The following CAPN6 variants were observed in gnomAD, a reference collection of about 807,000 sequenced individuals.
CAPN6 encodes calpain-6.
In CAPN6, 16 loss-of-function variants were observed where a neutral mutation model predicts 46.0. The observed-to-expected ratio is 0.35, with a 90% CI of 0.24 to 0.53. The LOEUF is 0.53. Ranked by LOEUF, CAPN6 falls within the 20% of genes least tolerant of loss-of-function variation. CAPN6 has a pLI of 0.94. For missense variants in CAPN6, 461 were observed against 498.0 expected, an observed-to-expected ratio of 0.93 and a Z score of 0.71; for synonymous variants, 206 against 172.8, an observed-to-expected ratio of 1.19 and a Z score of -1.51.
In CAPN6 at chrX:111,245,881, C is replaced by T. The variant is rs927349731; in HGVS notation, c.*696G>A. The T allele has an allele frequency of 8.9e-6, 1 of 112,819 alleles. No homozygotes were observed. 9.3% of individuals were successfully genotyped at this position (112,819 alleles called of 1,213,427 possible). A position where few individuals can be genotyped will look rare whatever the true frequency, so the allele number is the denominator to read the frequency against. ...ACAGCAGGCTTCCATTGAGCTGAAG[C>T]TCAGGCCCCTCTCACTGTCTAGGAC... On this transcript the variant is annotated 3_prime_UTR_variant, in exon 13 of 13. Transcript: ENST00000324068.
In CAPN6 at chrX:111,248,923, G is replaced by T. The variant is rs1295744245; in HGVS notation, c.1281+12C>A. The stretch of plus-strand genomic sequence containing the variant: ...TGCCTTCATTCTCTCTGCCCCAAAT[G>T]CCCATTTTTACCTTGAAGAGCTCAA... On this transcript the variant is annotated intron_variant, in intron 9 of 12. Transcript: ENST00000324068. 8.3e-7 allele frequency: 1 copy of T among 1,210,670 alleles called. No homozygotes were observed. The highest frequency in any genetic ancestry group is 1.8e-5 in the South Asian group (1 of 56,883).
intron 2 of CAPN6, among the ~76,000 whole-genome samples, chrX:111,263,382 G>A (rs898843817): frequency 1.8e-5 from 2 of 111,351 alleles, no homozygotes; most frequent in Non-Finnish European, 3.8e-5. Context: ...ATCTCAAAAA[G>A]GTACAGTGTA....
chrX:111,254,575 C>G (rs756771060), intron 2 of CAPN6, among the ~76,000 whole-genome samples, 172 bp from the exon 3 acceptor site: 1 of 110,614 alleles, frequency 9.0e-6, no homozygotes, highest in African/African-American at 3.3e-5. Flanking sequence ...TAAGGAAAAC[C>G]AAAAAACAGT....
Position 111,270,482 on chromosome X carries a change from G to C in CAPN6, c.-127C>G, listed in dbSNP as rs2094995311. The C allele has an allele frequency of 3.1e-6, 1 of 325,085 alleles. No individual in the cohort carries two copies. Among genetic ancestry groups the C allele is most frequent in the African/African-American group, 2.4e-5 (1 of 42,267 alleles). The allele number at this position is 325,085 out of a possible 1,213,427, so 26.8% of individuals were successfully genotyped here. A position where few individuals can be genotyped will look rare whatever the true frequency, so the allele number is the denominator to read the frequency against. On this transcript the variant is annotated 5_prime_UTR_variant, in exon 1 of 13. Transcript: ENST00000324068. ...CCCACTAAAAGTCTGTTCAGTCAGTGTGGCTGAACAAAGATTCTGGCTTTC... is the reference window on the plus strand; with the variant it reads ...CCCACTAAAAGTCTGTTCAGTCAGTCTGGCTGAACAAAGATTCTGGCTTTC...
intron 8 of CAPN6, among the ~76,000 whole-genome samples, chrX:111,250,662 G>A (rs1468782781): frequency 9.0e-6 from 1 of 111,333 alleles, no homozygotes; most frequent in Non-Finnish European, 1.9e-5. Context: ...CAGACAATAT[G>A]GCCAGAAGAG....
At chrX:111,251,805 C>G in intron 5 of CAPN6, 63 bp from the exon 6 acceptor site, 1 of 966,853 alleles carries the variant, frequency 1.0e-6, no homozygotes, top group Non-Finnish European at 1.4e-6. Context: ...GACTCCTCTT[C>G]TTCATTAATT....
chrX:111,256,120 C>A (rs1417561066), intron 2 of CAPN6, among the ~76,000 whole-genome samples: 1 of 111,482 alleles, frequency 9.0e-6, no homozygotes, highest in Non-Finnish European at 1.9e-5. Context: ...AATTTCTGGC[C>A]AGGTGTGGTG....
intron 1 of CAPN6, among the ~76,000 whole-genome samples, chrX:111,268,107 C>T (rs1247346683): frequency 1.8e-5 from 2 of 111,604 alleles, no homozygotes; most frequent in African/African-American, 3.3e-5. Flanking sequence ...AACTTCTAAC[C>T]AGATATTCTG....
chrX:111,254,305 G>A lies in CAPN6; in HGVS notation c.264C>T (p.Ser88=), dbSNP rs753485042. 1.7e-6 allele frequency: 2 copies of A among 1,208,619 alleles called. No homozygotes were observed. Among genetic ancestry groups the A allele is most frequent in the East Asian group, 3.0e-5 (1 of 33,808 alleles). ...LGHKPMVSAF[S]CLAVQESHWT... Reference sequence around the variant, plus strand: ...AATGAGACTCCTGAACAGCCAAACAGGAAAATGCAGAAACCATTGGCTTGT... The same window carrying A: ...AATGAGACTCCTGAACAGCCAAACAAGAAAATGCAGAAACCATTGGCTTGT... The change falls in exon 3 of 13, where the codon TCC becomes TCT. Residue 88 remains serine, a synonymous_variant. Coordinates refer to ENST00000324068, the MANE Select transcript of CAPN6 (RefSeq NM_014289.4).
At chrX:111,270,074 A>G (rs1380458754) in intron 1 of CAPN6, among the ~76,000 whole-genome samples, 1 of 111,908 alleles carries the variant, frequency 8.9e-6, no homozygotes, top group African/African-American at 3.3e-5. Context: ...ACACATACAC[A>G]TGCACGCGTG....
At chrX:111,253,479 G>C (rs2094981361) in intron 3 of CAPN6, among the ~76,000 whole-genome samples, 1 of 112,416 alleles carries the variant, frequency 8.9e-6, no homozygotes, top group South Asian at 3.7e-4. Flanking sequence ...CCAGTTAGTG[G>C]TTAAATGCTT....
rs766496943 is a variant in CAPN6, at chrX:111,248,723, G to A, written c.1330C>T (p.Arg444Cys). 5.0e-6 allele frequency: 6 copies of A among 1,209,384 alleles called. No homozygotes were observed. The South Asian group carries it at 5.3e-5, about 11-fold the overall frequency. Residue 444 changes from arginine (R) to cysteine (C), a missense_variant, in exon 10 of 13, where the codon CGT becomes TGT. Arg to Cys is a radical substitution (Grantham distance 180). Transcript: ENST00000324068. ...FRLHHLYIQE[R>C]AGTSTYIDTR... The stretch of plus-strand genomic sequence containing the variant: ...TCAATATAGGTGGAAGTCCCAGCAC[G>A]CTCCTGGATGTAGAGGTGGTGGAGG...
intron 2 of CAPN6, among the ~76,000 whole-genome samples, chrX:111,254,801 C>A (rs1034488234): frequency 2.7e-5 from 3 of 111,689 alleles, no homozygotes. Flanking sequence ...TTTTCTGAAG[C>A]ACCTGTGCTT....
chrX:111,270,080 G>A (rs973321750), intron 1 of CAPN6, among the ~76,000 whole-genome samples: 4 of 111,614 alleles, frequency 3.6e-5, no homozygotes, highest in South Asian at 3.8e-4. Context: ...ACACATGCAC[G>A]CGTGTGTGCA....
chrX:111,262,176 C>T (rs1323474591), intron 2 of CAPN6, among the ~76,000 whole-genome samples: 2 of 111,845 alleles, frequency 1.8e-5, no homozygotes, highest in Non-Finnish European at 3.8e-5. Context: ...TCTTGCAGGT[C>T]AGCTAAGTGA....
intron 1 of CAPN6, among the ~76,000 whole-genome samples, chrX:111,267,608 G>A (rs1051187282): frequency 1.8e-5 from 2 of 111,512 alleles, no homozygotes; most frequent in Non-Finnish European, 3.8e-5. Context: ...TAGCCTTAGA[G>A]CAAAAAGCAT....
rs1288424206 is a variant in CAPN6 at position 111,251,654 on chromosome X, C to G, written c.788G>C (p.Arg263Pro). The change falls in exon 6 of 13, where the codon CGT (arginine) becomes CCT (proline). Residue 263 changes from arginine (R) to proline (P), a missense_variant. Transcript: ENST00000324068. ...TYTMTDIRKI[R>P]LGERLVEVFS... ...GACTTCCACAAGTCTCTCTCCAAGA[C>G]GAATTTTGCGAATATCAGTCATGGT... 8.3e-7 allele frequency: 1 copy of G among 1,209,091 alleles called. No homozygotes were observed. Among genetic ancestry groups the G allele is most frequent in the Non-Finnish European group, 1.1e-6 (1 of 893,275 alleles).
At chrX:111,248,900 C>T (rs2094976827) in intron 9 of CAPN6, 35 bp downstream of exon 9, 1 of 1,207,818 alleles carries the variant, frequency 8.3e-7, no homozygotes, top group Non-Finnish European at 1.1e-6. Flanking sequence ...ACTCTGTTTG[C>T]CTTCATTCTC....
At chrX:111,258,921 C>T (rs2094985840) in intron 2 of CAPN6, among the ~76,000 whole-genome samples, 1 of 112,099 alleles carries the variant, frequency 8.9e-6, no homozygotes, top group Non-Finnish European at 1.9e-5. Flanking sequence ...GAACATTATG[C>T]TAAGAAAAAG....
Sources: gnomAD v4.1 joint callset for allele counts (sites outside exome capture counted in the v4.1 genomes callset) on GRCh38, gnomAD v4.1.1 for gene constraint, MANE v1.5 for transcripts, NCBI Gene and HGNC (gene_info 2026-07-23, HGNC 2026-07-21) for gene names.